IMMP2L: variants seen among roughly 807,000 people sequenced by gnomAD.
The protein encoded by IMMP2L is inner mitochondrial membrane peptidase subunit 2, also known as mitochondrial inner membrane protease subunit 2.
In IMMP2L, 18 loss-of-function variants were observed where a neutral mutation model predicts 19.3. The observed-to-expected ratio is 0.93, with a 90% confidence interval of 0.64 to 1.38. The LOEUF is 1.38. Ranked by LOEUF, IMMP2L falls within the 40% of genes most tolerant of loss-of-function variation. The pLI is 0.00. For missense variants in IMMP2L, 233 were observed against 218.2 expected (o/e 1.07, Z -0.43); for synonymous variants, 76 against 73.0 (o/e 1.04, Z -0.21).
chr7:111,210,186 G>C (rs946154680), intron 3 of IMMP2L, among the ~76,000 whole-genome samples: 1 of 152,016 alleles, frequency 6.6e-6, no homozygotes, highest in Non-Finnish European at 1.5e-5. Context: ...AATTACCCCA[G>C]CCTCAGCAAT....
chr7:111,156,360 C>G (rs1804644757), intron 3 of IMMP2L, among the ~76,000 whole-genome samples: 1 of 152,060 alleles, frequency 6.6e-6, no homozygotes, highest in Non-Finnish European at 1.5e-5. Context: ...CTTTCCAATA[C>G]TTAGTATTTT....
chr7:111,258,509 CTTTT>C (rs978805162), intron 3 of IMMP2L, among the ~76,000 whole-genome samples: 2 of 151,930 alleles, frequency 1.3e-5, no homozygotes, highest in East Asian at 1.9e-4. Context: ...TTTAATTTTA[CTTTT>C]TTTATTTTTT....
At chr7:110,928,359 A>G (rs1254249694) in intron 4 of IMMP2L, among the ~76,000 whole-genome samples, 1 of 112,824 alleles carries the variant, frequency 8.9e-6, no homozygotes, top group Non-Finnish European at 1.8e-5. Context: ...CTGCACACAC[A>G]CACACACACA....
intron 5 of IMMP2L, among the ~76,000 whole-genome samples, chr7:110,880,196 G>C (rs182993457): frequency 9.9e-5 from 15 of 151,976 alleles, no homozygotes; most frequent in Non-Finnish European, 1.9e-4. Context: ...TATGAATAAT[G>C]TCTAAAAGTG....
At chr7:111,138,423 C>G (rs1802551944) in intron 3 of IMMP2L, among the ~76,000 whole-genome samples, 1 of 152,168 alleles carries the variant, frequency 6.6e-6, no homozygotes, top group African/African-American at 2.4e-5. Flanking sequence ...CAAATTAACT[C>G]CAGGGGCCAT....
At chr7:111,120,803 C>A (rs1469830666) in intron 3 of IMMP2L, among the ~76,000 whole-genome samples, 1 of 152,060 alleles carries the variant, frequency 6.6e-6, no homozygotes, top group Non-Finnish European at 1.5e-5. Flanking sequence ...CTACATCTAG[C>A]TTACTTAACA....
chr7:111,286,132 A>G (rs1232295687), intron 3 of IMMP2L, among the ~76,000 whole-genome samples: 1 of 152,160 alleles, frequency 6.6e-6, no homozygotes, highest in Non-Finnish European at 1.5e-5. Flanking sequence ...CACATAAAGA[A>G]AAAATAATAA....
intron 3 of IMMP2L, among the ~76,000 whole-genome samples, chr7:111,376,137 C>G (rs977283673): frequency 6.6e-6 from 1 of 152,028 alleles, no homozygotes; most frequent in Non-Finnish European, 1.5e-5. Flanking sequence ...TAGAGTAACA[C>G]TGTGTTACAT....
chr7:111,256,041 T>G (rs1816660912), intron 3 of IMMP2L, among the ~76,000 whole-genome samples: 1 of 152,070 alleles, frequency 6.6e-6, no homozygotes, highest in African/African-American at 2.4e-5. Flanking sequence ...TCTCAAAAAA[T>G]TAAAATGAAG....
At chr7:111,235,228 T>G (rs956798068) in intron 3 of IMMP2L, among the ~76,000 whole-genome samples, 1 of 152,084 alleles carries the variant, frequency 6.6e-6, no homozygotes, top group African/African-American at 2.4e-5. Flanking sequence ...TACCAGCACT[T>G]TGGGAGGCTG....
At chr7:111,172,326 C>A (rs1384179987) in intron 3 of IMMP2L, among the ~76,000 whole-genome samples, 1 of 151,346 alleles carries the variant, frequency 6.6e-6, no homozygotes, top group African/African-American at 2.4e-5. Flanking sequence ...AAGACTGGAA[C>A]ACTCTATGAT....
At chr7:110,857,509 T>C (rs1475140837) in intron 5 of IMMP2L, among the ~76,000 whole-genome samples, 2 of 152,106 alleles carry the variant, frequency 1.3e-5, no homozygotes, top group African/African-American at 2.4e-5. Context: ...ATTTTCAAAA[T>C]GCTACTGAGA....
At chr7:110,939,277 G>A (rs1816450050) in intron 4 of IMMP2L, among the ~76,000 whole-genome samples, 1 of 150,602 alleles carries the variant, frequency 6.6e-6, no homozygotes, top group South Asian at 2.1e-4. Flanking sequence ...ATTCCTGGGT[G>A]TTTCCAATTA....
chr7:111,312,361 C>G (rs1378115857), intron 3 of IMMP2L, among the ~76,000 whole-genome samples: 1 of 152,090 alleles, frequency 6.6e-6, no homozygotes, highest in Non-Finnish European at 1.5e-5. Context: ...TATAAGAAAG[C>G]TAGTGAGGCT....
At chr7:111,411,482 G>C (rs550724151) in intron 3 of IMMP2L, 4 of 473,728 alleles carry the variant, frequency 8.4e-6, no homozygotes, top group Non-Finnish European at 1.3e-5. Flanking sequence ...GGGCAAGCAC[G>C]GCATGGGCTG....
At chr7:110,954,865 G>A (rs1818207754) in intron 4 of IMMP2L, among the ~76,000 whole-genome samples, 1 of 152,022 alleles carries the variant, frequency 6.6e-6, no homozygotes, top group South Asian at 2.1e-4. Flanking sequence ...CAGGGGTGGG[G>A]AGAGTATCAC....
intron 3 of IMMP2L, among the ~76,000 whole-genome samples, chr7:111,348,619 C>T (rs1827822198): frequency 6.6e-6 from 1 of 152,134 alleles, no homozygotes; most frequent in African/African-American, 2.4e-5. Flanking sequence ...TAACATGAGT[C>T]TGCCCTACGA....
intron 3 of IMMP2L, among the ~76,000 whole-genome samples, chr7:111,017,065 C>CTTTA (rs541160576): frequency 0.017 from 2,402 of 140,634 alleles, 34 homozygotes; most frequent in African/African-American, 0.023. Context: ...ATATATGTGC[C>CTTTA]TTTATTTATT....
intron 2 of IMMP2L, 60 bp from the exon 3 acceptor site, chr7:111,487,401 T>C: frequency 1.0e-6 from 1 of 991,090 alleles, no homozygotes; most frequent in Non-Finnish European, 1.6e-6. Flanking sequence ...TTCATGGTTC[T>C]TGCACTTCAC....
Sources: gnomAD v4.1 joint callset for allele counts (sites outside exome capture counted in the v4.1 genomes callset) on GRCh38, gnomAD v4.1.1 for gene constraint, MANE v1.5 for transcripts, NCBI Gene and HGNC (gene_info 2026-07-23, HGNC 2026-07-21) for gene names.